PATJ: variants seen among roughly 807,000 people sequenced by gnomAD.
PATJ encodes the protein inaD-like protein.
Under a neutral mutation model 224.9 loss-of-function variants are expected in PATJ, and 190 were observed. That is an observed-to-expected ratio of 0.84 (90% confidence interval 0.75 to 0.95). PATJ has a LOEUF of 0.95. Among genes scored for constraint, PATJ ranks in the 40% least tolerant of loss-of-function variants. The pLI, the probability that PATJ is intolerant of heterozygous loss-of-function variation, is 0.00. For missense variants in PATJ, 2,121 were observed against 2,270.3 expected, an observed-to-expected ratio of 0.93 and a Z score of 1.34; for synonymous variants, 769 against 820.3, an observed-to-expected ratio of 0.94 and a Z score of 1.07.
At chr1:62,048,576 A>G (rs1653002776) in intron 30 of PATJ, among the ~76,000 whole-genome samples, 1 of 150,234 alleles carries the variant, frequency 6.7e-6, no homozygotes, top group African/African-American at 2.5e-5. Context: ...AAAAAGAAAA[A>G]GAAAGAAAAG....
At chr1:62,126,636 T>A (rs993459470) in intron 39 of PATJ, among the ~76,000 whole-genome samples, 1 of 152,250 alleles carries the variant, frequency 6.6e-6, no homozygotes, top group Admixed American at 6.5e-5. Flanking sequence ...ACATTTTATG[T>A]CTGTCTTCAA....
chr1:62,072,739 T>C (rs951470651), intron 31 of PATJ: 3 of 121,544 alleles, frequency 2.5e-5, no homozygotes, highest in African/African-American at 8.6e-5. Flanking sequence ...AGACCCTGTC[T>C]TTTATTTAAA....
chr1:61,889,034 C>T (rs542836765), intron 22 of PATJ, among the ~76,000 whole-genome samples: 1 of 152,056 alleles, frequency 6.6e-6, no homozygotes, highest in Admixed American at 6.6e-5. Flanking sequence ...AAGGGTATGC[C>T]CCATGGAGTT....
At chr1:62,117,334 A>G (rs974861745) in intron 37 of PATJ, 116 bp downstream of exon 37, 3 of 1,469,710 alleles carry the variant, frequency 2.0e-6, no homozygotes, top group African/African-American at 1.4e-5. Flanking sequence ...TATTCACAGC[A>G]CCAAGTTTAG....
At position 62,086,966 on chromosome 1, in the gene PATJ, G is replaced by A. The variant is rs1038613098; in HGVS notation, c.4377+2318G>A. On this transcript the variant is annotated intron_variant, in intron 33 of 43. Transcript: ENST00000642238. This position sits in a 1 kb window ranked among gnomAD's most constrained non-coding sequence, Gnocchi z 4.0. ...GTTACAATGCTAACCTCCGTCGTCC[G>A]TGGACAGCGGTACGTTATCAGCTCA... Among the ~76,000 whole-genome samples the A allele has an allele frequency of 2.0e-5, 3 of 152,156 alleles. No homozygotes were observed. Among genetic ancestry groups the A allele is most frequent in the Non-Finnish European group, 2.9e-5 (2 of 68,028 alleles).
rs528358090 is a variant in PATJ at position 62,136,419 on chromosome 1, T to C, written c.5271+7474T>C. Among the ~76,000 whole-genome samples the C allele has an allele frequency of 4.6e-5, 7 of 151,870 alleles. No individual in the cohort carries two copies. The East Asian group carries it at 1.4e-3, about 30-fold the overall frequency. On this transcript the variant is annotated intron_variant, in intron 41 of 43. Coordinates refer to ENST00000642238, the MANE Select transcript of PATJ (RefSeq NM_001350145.3). ...GTCACTAGATTCTGGACAAAAACTT[T>C]AAGCAGCTGTGCTTTCTATTTCAGT...
At chr1:61,910,923 T>C (rs1672542124) in intron 25 of PATJ, among the ~76,000 whole-genome samples, 1 of 152,188 alleles carries the variant, frequency 6.6e-6, no homozygotes, top group Admixed American at 6.5e-5. Flanking sequence ...TGGTGCTGTC[T>C]TTGGTTTACT....
intron 17 of PATJ, among the ~76,000 whole-genome samples, chr1:61,842,110 G>A (rs1268359011): frequency 6.6e-6 from 1 of 152,134 alleles, no homozygotes; most frequent in Non-Finnish European, 1.5e-5. Context: ...AGTTTGTAGT[G>A]TGCTCAGGAT....
chr1:62,134,266 C>T (rs1413955957), intron 41 of PATJ, among the ~76,000 whole-genome samples: 1 of 145,414 alleles, frequency 6.9e-6, no homozygotes, highest in Non-Finnish European at 1.5e-5. Flanking sequence ...ACTCAAGAGA[C>T]TGTCCCACCT....
chr1:62,027,721 TC>T (rs751835776), intron 29 of PATJ, among the ~76,000 whole-genome samples: 3 of 151,474 alleles, frequency 2.0e-5, no homozygotes, highest in Non-Finnish European at 4.4e-5. Context: ...ATTTGCACTT[TC>T]CTGATGGATT....
intron 1 of PATJ, among the ~76,000 whole-genome samples, chr1:61,752,786 A>G (rs886984866): frequency 1.3e-5 from 2 of 152,218 alleles, no homozygotes; most frequent in African/African-American, 4.8e-5. Context: ...GCTTAAGCAT[A>G]TATCTGCAAA....
At chr1:62,011,896 G>A (rs190594526) in intron 28 of PATJ, among the ~76,000 whole-genome samples, 20 of 152,070 alleles carry the variant, frequency 1.3e-4, no homozygotes, top group South Asian at 2.1e-4. Context: ...GTATGGTGGC[G>A]CATGCCTGTG....
At chr1:62,151,626 A>G (rs186629994) in intron 42 of PATJ, among the ~76,000 whole-genome samples, 1 of 152,148 alleles carries the variant, frequency 6.6e-6, no homozygotes, top group African/African-American at 2.4e-5. Flanking sequence ...AAAATTGAGG[A>G]GGGAGAGAGG....
chr1:61,958,908 G>A (rs1386867357), intron 27 of PATJ, among the ~76,000 whole-genome samples: 1 of 152,108 alleles, frequency 6.6e-6, no homozygotes. Context: ...TTTTGTTAGG[G>A]CAGATAAAAC....
At chr1:62,022,658 A>T (rs1239410976) in intron 29 of PATJ, among the ~76,000 whole-genome samples, 4 of 152,182 alleles carry the variant, frequency 2.6e-5, no homozygotes, top group Non-Finnish European at 5.9e-5. Context: ...TCAAAAATTG[A>T]ATGTCATGTA....
chr1:62,105,327 A>C (rs1412349133), intron 33 of PATJ, among the ~76,000 whole-genome samples: 2 of 152,158 alleles, frequency 1.3e-5, no homozygotes, highest in African/African-American at 4.8e-5. Context: ...TTTTTGCTGA[A>C]AATCAAATTC....
At chr1:61,851,142 A>G (rs1662746085) in intron 17 of PATJ, among the ~76,000 whole-genome samples, 1 of 152,258 alleles carries the variant, frequency 6.6e-6, no homozygotes, top group Non-Finnish European at 1.5e-5. Context: ...ATTTACAATA[A>G]TTTCAGTAAA....
chr1:61,859,550 C>CCTCT (rs1664224373), intron 18 of PATJ, among the ~76,000 whole-genome samples: 2 of 150,702 alleles, frequency 1.3e-5, no homozygotes, highest in Non-Finnish European at 3.0e-5. Context: ...TCTCTCTCTC[C>CCTCT]CTCTCTCTCT....
At chr1:61,773,163 A>C (rs994823897) in intron 6 of PATJ, among the ~76,000 whole-genome samples, 15 of 151,954 alleles carry the variant, frequency 9.9e-5, no homozygotes, top group Admixed American at 6.6e-5. Context: ...TGGGATTTAC[A>C]GGCACGTGCC....
Sources: allele counts gnomAD v4.1 joint callset (sites outside exome capture counted in the v4.1 genomes callset), GRCh38; gene constraint gnomAD v4.1.1; non-coding constraint Gnocchi (gnomAD v3.1); transcripts MANE v1.5; gene names NCBI Gene and HGNC (gene_info 2026-07-23, HGNC 2026-07-21).